Variants in ZBTB43 observed in about 807,000 individuals in gnomAD.
ZBTB43 encodes zinc finger and BTB domain containing 43.
Under a neutral mutation model 31.1 loss-of-function variants are expected in ZBTB43, and 6 were observed. That is an observed-to-expected ratio of 0.19 (90% CI 0.11 to 0.38). ZBTB43 has a LOEUF of 0.38. ZBTB43 is among the 10% of genes least tolerant of loss of function. ZBTB43 has a pLI of 1.00. For synonymous variants in ZBTB43, 212 were observed against 221.7 expected (o/e 0.96, Z 0.39); for missense variants, 379 against 602.1 (o/e 0.63, Z 3.88).
chr9:126,837,956 C>T lies in ZBTB43; in HGVS notation c.*4043C>T, dbSNP rs1183362135. ...AGAAAAGTACTTTATTTATGCAAGTCAGGTGACTCTTAGGCCACAAAACCA... is the reference window on the plus strand; with the variant it reads ...AGAAAAGTACTTTATTTATGCAAGTTAGGTGACTCTTAGGCCACAAAACCA... On this transcript the variant is annotated 3_prime_UTR_variant, in exon 3 of 3. Coordinates refer to ENST00000373464, the MANE Select transcript of ZBTB43 (RefSeq NM_014007.4). 1 of 166,502 alleles carries T rather than the reference C, an allele frequency of 6.0e-6. No individual in the cohort carries two copies. Among genetic ancestry groups the T allele is most frequent in the South Asian group, 2.1e-4 (1 of 4,824 alleles). The allele number at this position is 166,502 out of a possible 1,614,324, so 10.3% of individuals were successfully genotyped here.
At chr9:126,808,560 T>C (rs1020678058) in intron 1 of ZBTB43, among the ~76,000 whole-genome samples, 4 of 152,228 alleles carry the variant, frequency 2.6e-5, no homozygotes, top group African/African-American at 2.4e-5. Flanking sequence ...ATGGGAGTTA[T>C]GCACTATCTT....
chr9:126,808,961 T>G (rs904805972), intron 2 of ZBTB43, 46 bp downstream of exon 2: 1 of 152,246 alleles, frequency 6.6e-6, no homozygotes, highest in Non-Finnish European at 1.5e-5. Context: ...AGTTACTTAC[T>G]GTAATCATTT....
chr9:126,809,215 C>A (rs949604318), intron 2 of ZBTB43, among the ~76,000 whole-genome samples: 2 of 152,132 alleles, frequency 1.3e-5, no homozygotes, highest in Non-Finnish European at 2.9e-5. Flanking sequence ...ATTTCTGAGA[C>A]GTGTAACCAC....
chr9:126,818,296 A>AATATATAT (rs140919672), intron 2 of ZBTB43, among the ~76,000 whole-genome samples: 1 of 146,846 alleles, frequency 6.8e-6, no homozygotes, highest in Non-Finnish European at 1.5e-5. Context: ...CTAATTAAAA[A>AATATATAT]ATATATATAT....
intron 2 of ZBTB43, among the ~76,000 whole-genome samples, chr9:126,829,735 G>T (rs1393716114): frequency 6.6e-6 from 1 of 151,456 alleles, no homozygotes; most frequent in Non-Finnish European, 1.5e-5. Flanking sequence ...TTTTACATGT[G>T]CATGTGTTAT....
chr9:126,828,765 T>A lies in ZBTB43; in HGVS notation c.-23-3722T>A, dbSNP rs887022840. 4.0e-5 allele frequency among the ~76,000 whole-genome samples: 6 copies of A among 151,658 alleles called. No individual in the cohort carries two copies. The East Asian group carries it at 1.2e-3, about 29-fold the overall frequency. On this transcript the variant is annotated intron_variant, in intron 2 of 2. Coordinates refer to ENST00000373464, the MANE Select transcript of ZBTB43 (RefSeq NM_014007.4). The stretch of plus-strand genomic sequence containing the variant: ...GAGTACTTATTTTATGTAAATTTCA[T>A]CTTGGCAAAAAAATCTATAAAATCA...
chr9:126,825,844 T>A (rs1055793125), intron 2 of ZBTB43, among the ~76,000 whole-genome samples: 546 of 26,474 alleles, frequency 0.021, 9 homozygotes, highest in Middle Eastern at 0.1. Context: ...CTTTTTATAT[T>A]TTTTTTTTTT....
rs1418156051 is a variant in ZBTB43, at chr9:126,832,475, T to C, written c.-23-12T>C. 1.3e-6 allele frequency: 2 copies of C among 1,563,098 alleles called. No homozygotes were observed. Among genetic ancestry groups the C allele is most frequent in the Non-Finnish European group, 1.7e-6 (2 of 1,154,654 alleles). On this transcript the variant is annotated splice_polypyrimidine_tract_variant and intron_variant, in intron 2 of 2. Coordinates refer to ENST00000373464, the MANE Select transcript of ZBTB43 (RefSeq NM_014007.4). The stretch of plus-strand genomic sequence containing the variant: ...GGGCTGGAATTTGTACTAATTTTTC[T>C]TTCTCTTGTAGCACCGAACAAGATT...
At chr9:126,810,165 T>C (rs1379857659) in intron 2 of ZBTB43, among the ~76,000 whole-genome samples, 1 of 151,424 alleles carries the variant, frequency 6.6e-6, no homozygotes, top group Non-Finnish European at 1.5e-5. Context: ...TTAAGGTTTT[T>C]GTTTGTTTGT....
intron 2 of ZBTB43, among the ~76,000 whole-genome samples, chr9:126,817,756 G>A (rs906375098): frequency 2.0e-5 from 3 of 152,126 alleles, no homozygotes; most frequent in Non-Finnish European, 4.4e-5. Flanking sequence ...GATTGCAGGC[G>A]TGAGCCACTG....
intron 2 of ZBTB43, among the ~76,000 whole-genome samples, chr9:126,829,360 A>G (rs1811226661): frequency 6.6e-6 from 1 of 152,224 alleles, no homozygotes; most frequent in Non-Finnish European, 1.5e-5. Flanking sequence ...TATCTATTGT[A>G]GCATTGCTTG....
chr9:126,807,402 T>C (rs1436215950), intron 1 of ZBTB43, among the ~76,000 whole-genome samples: 3 of 152,198 alleles, frequency 2.0e-5, no homozygotes, highest in Non-Finnish European at 2.9e-5. Context: ...TGTGCACTTT[T>C]CAATTCAGAG....
Position 126,830,424 on chromosome 9 carries a change from C to A in ZBTB43, c.-23-2063C>A, listed in dbSNP as rs559822433. On this transcript the variant is annotated intron_variant, in intron 2 of 2. Coordinates refer to ENST00000373464, the MANE Select transcript of ZBTB43 (RefSeq NM_014007.4). ...ACTTTGGGAGGCCAGGCGGGCAGAT[C>A]GCTTGAGTTCAGGAATTCGAGACCA... 2.6e-5 allele frequency among the ~76,000 whole-genome samples: 4 copies of A among 152,284 alleles called. No homozygotes were observed. The East Asian group carries it at 7.7e-4, about 29-fold the overall frequency.
chr9:126,833,946 A>G lies in ZBTB43; in HGVS notation c.*33A>G, dbSNP rs1448148899. 4 of 1,531,118 alleles carry G rather than the reference A, an allele frequency of 2.6e-6. No homozygotes were observed. The highest frequency in any genetic ancestry group is 3.5e-6 in the Non-Finnish European group (4 of 1,132,284). 94.8% of individuals were successfully genotyped at this position (1,531,118 alleles called of 1,614,324 possible). A position where few individuals can be genotyped will look rare whatever the true frequency, so the allele number is the denominator to read the frequency against. On this transcript the variant is annotated 3_prime_UTR_variant, in exon 3 of 3. Transcript: ENST00000373464. This position sits in a 1 kb window ranked among gnomAD's most constrained non-coding sequence, Gnocchi z 7.9. ...ATCTGGCCCTTGAGTGGCATGCACA[A>G]AAATAAACTATGGTAATTAATGCAA... is the stretch of plus-strand genomic sequence containing the variant.
chr9:126,817,206 T>C (rs961571349), intron 2 of ZBTB43, among the ~76,000 whole-genome samples: 1 of 142,316 alleles, frequency 7.0e-6, no homozygotes, highest in African/African-American at 2.7e-5. Context: ...CGACCTCCCC[T>C]GTTCAAGAGA....
intron 2 of ZBTB43, among the ~76,000 whole-genome samples, chr9:126,821,769 T>C (rs754315934): frequency 2.0e-5 from 3 of 152,212 alleles, no homozygotes; most frequent in Non-Finnish European, 2.9e-5. Context: ...TAAGCTTTTC[T>C]AACCTGTGGC....
chr9:126,810,405 G>A (rs1217806780), intron 2 of ZBTB43, among the ~76,000 whole-genome samples: 1 of 151,166 alleles, frequency 6.6e-6, no homozygotes, highest in East Asian at 1.9e-4. Flanking sequence ...TCTTGGCCAG[G>A]CCAGTCTCAA....
chr9:126,804,855 T>C (rs1294243837), upstream of ZBTB43, among the ~76,000 whole-genome samples: 1 of 152,208 alleles, frequency 6.6e-6, no homozygotes, highest in Non-Finnish European at 1.5e-5. Context: ...AGTCAGTCCC[T>C]AAAATTGACC....
chr9:126,819,830 G>A (rs771296680), intron 2 of ZBTB43, among the ~76,000 whole-genome samples: 1 of 152,202 alleles, frequency 6.6e-6, no homozygotes, highest in Non-Finnish European at 1.5e-5. Context: ...GTTATTGAAG[G>A]AAATTGAAAG....
Sources: gnomAD v4.1 joint callset for allele counts (sites outside exome capture counted in the v4.1 genomes callset) on GRCh38, gnomAD v4.1.1 for gene constraint, Gnocchi (gnomAD v3.1) non-coding constraint, MANE v1.5 for transcripts, NCBI Gene and HGNC (gene_info 2026-07-23, HGNC 2026-07-21) for gene names.